The following GLI3 variants were observed in gnomAD, a reference collection of about 807,000 sequenced individuals.
GLI3 encodes transcription activator GLI3.
A neutral mutation model predicts 100.8 loss-of-function variants in GLI3; 20 were observed. The observed-to-expected ratio is 0.20, with a 90% confidence interval of 0.14 to 0.29. The LOEUF is 0.29. GLI3 is among the 10% of genes least tolerant of loss of function. The pLI is 1.00. For synonymous variants in GLI3, 938 were observed against 860.5 expected, an observed-to-expected ratio of 1.09 and a Z score of -1.58; for missense variants, 2,040 against 2,128.5, an observed-to-expected ratio of 0.96 and a Z score of 0.82.
chr7:42,052,693 T>C (rs1327970816), intron 4 of GLI3, among the ~76,000 whole-genome samples: 1 of 152,120 alleles, frequency 6.6e-6, no homozygotes, highest in Non-Finnish European at 1.5e-5. Flanking sequence ...AAAAAAAAAG[T>C]CCAAATGGCG....
At chr7:42,111,698 T>G (rs755025156) in intron 3 of GLI3, among the ~76,000 whole-genome samples, 3 of 152,222 alleles carry the variant, frequency 2.0e-5, no homozygotes, top group Non-Finnish European at 2.9e-5. Context: ...TAAGCTTCCC[T>G]GAAGCTAAGC....
chr7:41,973,017 C>T (rs1787407233), intron 12 of GLI3, among the ~76,000 whole-genome samples: 1 of 152,180 alleles, frequency 6.6e-6, no homozygotes, highest in African/African-American at 2.4e-5. Flanking sequence ...AGACACCCAT[C>T]ATCTAATCAG....
intron 1 of GLI3, among the ~76,000 whole-genome samples, chr7:42,257,651 T>G (rs1190348592): frequency 6.6e-6 from 1 of 152,126 alleles, no homozygotes; most frequent in Non-Finnish European, 1.5e-5. Flanking sequence ...TCCCATTCAG[T>G]CTTTTACTGT....
chr7:42,019,030 T>G (rs1399972201), intron 10 of GLI3, among the ~76,000 whole-genome samples: 2 of 152,140 alleles, frequency 1.3e-5, no homozygotes, highest in African/African-American at 4.8e-5. Flanking sequence ...TAAAGACCCT[T>G]GGGGATAATA....
intron 2 of GLI3, among the ~76,000 whole-genome samples, chr7:42,175,647 C>T (rs1017734970): frequency 6.6e-6 from 1 of 151,746 alleles, no homozygotes; most frequent in African/African-American, 2.4e-5. Context: ...ACAGTAGTCT[C>T]TCTTACAAAA....
chr7:42,259,316 T>A (rs1789116579), intron 1 of GLI3, among the ~76,000 whole-genome samples: 1 of 152,192 alleles, frequency 6.6e-6, no homozygotes, highest in Non-Finnish European at 1.5e-5. Context: ...AAACATCTAA[T>A]GGGTTGCTTT....
At chr7:42,087,999 G>A (rs1409366951) in intron 3 of GLI3, among the ~76,000 whole-genome samples, 4 of 152,174 alleles carry the variant, frequency 2.6e-5, no homozygotes, top group Non-Finnish European at 5.9e-5. Context: ...TTGAAAGGAT[G>A]AGCAAGGAAA....
rs905667002 is a variant in GLI3, at chr7:42,099,675, C to T, written c.368-22818G>A. On this transcript the variant is annotated intron_variant, in intron 3 of 14. Coordinates refer to ENST00000395925, the MANE Select transcript of GLI3 (RefSeq NM_000168.6). ...TCTCCTGAGTAGCTGGGATGACAGG[C>T]ACTCACCACACCTCACTAATTTAAA... Among the ~76,000 whole-genome samples, 43 of 152,182 alleles carry T rather than the reference C, an allele frequency of 2.8e-4. 1 individual carries two copies. Among genetic ancestry groups the T allele is most frequent in the African/African-American group, 7.9e-4 (33 of 41,526 alleles).
intron 3 of GLI3, among the ~76,000 whole-genome samples, chr7:42,127,303 C>T (rs1163145519): frequency 6.6e-6 from 1 of 152,202 alleles, no homozygotes; most frequent in East Asian, 1.9e-4. Context: ...TTCTCTGACA[C>T]CACAGCCCAT....
At chr7:41,973,472 C>T (rs920886918) in intron 12 of GLI3, among the ~76,000 whole-genome samples, 1 of 152,146 alleles carries the variant, frequency 6.6e-6, no homozygotes, top group Non-Finnish European at 1.5e-5. Context: ...AAAAATTATG[C>T]GGATGCTTAT....
In GLI3 at chr7:41,985,718, A is replaced by G. The variant is rs373823668; in HGVS notation, c.1498-6970T>C. 2.6e-5 allele frequency among the ~76,000 whole-genome samples: 4 copies of G among 152,136 alleles called. No individual in the cohort carries two copies. The South Asian group carries it at 8.3e-4, about 31-fold the overall frequency. ...GTTTTGTGTATTACTTGATAAATGC[A>G]ACATTTTTGAAAGTTTTACAACTGT... On this transcript the variant is annotated intron_variant, in intron 10 of 14. Coordinates refer to ENST00000395925, the MANE Select transcript of GLI3 (RefSeq NM_000168.6).
intron 3 of GLI3, among the ~76,000 whole-genome samples, chr7:42,127,390 T>C (rs995074066): frequency 2.0e-5 from 3 of 152,216 alleles, no homozygotes; most frequent in African/African-American, 7.2e-5. Context: ...GCAGCATGTA[T>C]TTGAAGCTCA....
At chr7:42,113,298 C>T (rs1785762182) in intron 3 of GLI3, 4 of 594,012 alleles carry the variant, frequency 6.7e-6, no homozygotes, top group Admixed American at 2.2e-5. Context: ...ACCCCCGGAC[C>T]GACCAAAGCC....
At chr7:42,220,363 A>T (rs1312364062) in intron 2 of GLI3, among the ~76,000 whole-genome samples, 1 of 152,194 alleles carries the variant, frequency 6.6e-6, no homozygotes, top group Non-Finnish European at 1.5e-5. Flanking sequence ...AGATAGGAAG[A>T]GGGACAGAGG....
At chr7:42,246,462 C>G (rs77213299) in intron 1 of GLI3, among the ~76,000 whole-genome samples, 1,763 of 152,136 alleles carry the variant, frequency 0.012, 35 homozygotes, top group African/African-American at 0.04. Context: ...TTTTTTTGTT[C>G]TCATTTATTT....
At chr7:42,063,080 G>A (rs1335921043) in intron 4 of GLI3, among the ~76,000 whole-genome samples, 2 of 152,100 alleles carry the variant, frequency 1.3e-5, no homozygotes, top group Non-Finnish European at 2.9e-5. Context: ...ACACATGCTT[G>A]CCTCCTTTAT....
chr7:42,019,721 T>C (rs190547131), intron 10 of GLI3, among the ~76,000 whole-genome samples: 3 of 152,352 alleles, frequency 2.0e-5, no homozygotes, highest in Admixed American at 2.0e-4. Flanking sequence ...TTTGAGATGT[T>C]AGAATGTGTG....
chr7:42,249,870 G>A (rs776236450), intron 1 of GLI3, among the ~76,000 whole-genome samples: 5 of 152,104 alleles, frequency 3.3e-5, no homozygotes, highest in Non-Finnish European at 5.9e-5. Context: ...TGAGTTGGGC[G>A]AATCACTTGA....
intron 2 of GLI3, among the ~76,000 whole-genome samples, chr7:42,182,838 C>T (rs1787643973): frequency 6.6e-6 from 1 of 151,196 alleles, no homozygotes; most frequent in Non-Finnish European, 1.5e-5. Flanking sequence ...TTTGAGAGGC[C>T]GAAGTGGGCA....
Sources: gnomAD v4.1 joint callset for allele counts (sites outside exome capture counted in the v4.1 genomes callset) on GRCh38, gnomAD v4.1.1 for gene constraint, MANE v1.5 for transcripts, NCBI Gene and HGNC (gene_info 2026-07-23, HGNC 2026-07-21) for gene names.